ZSCAN5A: variants seen among roughly 807,000 people sequenced by gnomAD.
ZSCAN5A encodes the protein zinc finger and SCAN domain-containing protein 5A.
A neutral mutation model predicts 23.7 loss-of-function variants in ZSCAN5A; 12 were observed. The observed-to-expected ratio is 0.51, with a 90% CI of 0.32 to 0.82. The LOEUF (loss-of-function observed/expected upper bound fraction) is 0.82. Ranked by LOEUF, ZSCAN5A falls within the 40% of genes least tolerant of loss-of-function variation. The pLI, the probability that ZSCAN5A is intolerant of heterozygous loss-of-function variation, is 0.03. For synonymous variants in ZSCAN5A, 257 were observed against 239.9 expected, an observed-to-expected ratio of 1.07 and a Z score of -0.66; for missense variants, 597 against 617.9, an observed-to-expected ratio of 0.97 and a Z score of 0.36.
At chr19:56,225,635 C>G (rs1485781185) in intron 2 of ZSCAN5A, among the ~76,000 whole-genome samples, 3 of 152,190 alleles carry the variant, frequency 2.0e-5, no homozygotes, top group African/African-American at 4.8e-5. Context: ...AGGGAAGGGA[C>G]AGCATTAAAG....
At chr19:56,343,179 TA>T in intron 2 of ZSCAN5A, 1 of 728,888 alleles carries the variant, frequency 1.4e-6, no homozygotes, top group Non-Finnish European at 2.4e-6. Flanking sequence ...TTATTGAAAC[TA>T]ACTTCAGGTT....
At position 56,222,623 on chromosome 19, in the gene ZSCAN5A, G is replaced by T; in HGVS notation, c.707C>A (p.Thr236Lys). 1.2e-6 allele frequency: 2 copies of T among 1,614,194 alleles called. No individual in the cohort carries two copies. Among genetic ancestry groups the T allele is most frequent in the Non-Finnish European group, 1.7e-6 (2 of 1,180,042 alleles). The change falls in exon 5 of 6, where the codon ACA becomes AAA. Residue 236 changes from threonine (T) to lysine (K), a missense_variant. Transcript: ENST00000683990. ...CTTTGGAAGCTGAGGCTCTGGGGAT[G>T]TCAGTCCTGGGTTCTCTTCCCTGTT... is the stretch of plus-strand genomic sequence containing the variant. ...KENREENPGL[T>K]SPEPQLPKSP...
intron 2 of ZSCAN5A, among the ~76,000 whole-genome samples, chr19:56,295,368 C>T (rs1002385141): frequency 6.6e-6 from 1 of 151,914 alleles, no homozygotes; most frequent in African/African-American, 2.4e-5. Flanking sequence ...CTGATGCGGG[C>T]GGATCACCTC....
intron 2 of ZSCAN5A, chr19:56,228,339 A>G (rs2034157870): frequency 1.0e-6 from 1 of 985,310 alleles, no homozygotes; most frequent in Non-Finnish European, 1.2e-6. Flanking sequence ...TTTATGGAGA[A>G]GCGGGACTCC....
chr19:56,236,365 C>T (rs1174308217), intron 2 of ZSCAN5A, among the ~76,000 whole-genome samples: 28 of 83,548 alleles, frequency 3.4e-4, no homozygotes, highest in African/African-American at 1.3e-3. Context: ...GGACGGTGGG[C>T]CAAGCCTCCA....
intron 2 of ZSCAN5A, among the ~76,000 whole-genome samples, chr19:56,254,507 G>T (rs967001000): frequency 5.3e-5 from 8 of 152,164 alleles, no homozygotes; most frequent in African/African-American, 1.9e-4. Flanking sequence ...TATTCCTTCA[G>T]TGAACGCTTG....
At chr19:56,339,843 G>GAA in intron 2 of ZSCAN5A, among the ~76,000 whole-genome samples, 3 of 152,230 alleles carry the variant, frequency 2.0e-5, no homozygotes, top group African/African-American at 7.2e-5. Flanking sequence ...TGAAGGAGCG[G>GAA]TTGTAGCCGT....
At chr19:56,238,121 C>T (rs374406351) in intron 2 of ZSCAN5A, among the ~76,000 whole-genome samples, 8 of 151,420 alleles carry the variant, frequency 5.3e-5, no homozygotes, top group South Asian at 2.1e-4. Context: ...AACACACACC[C>T]ACACACAGAC....
intron 2 of ZSCAN5A, among the ~76,000 whole-genome samples, chr19:56,259,944 A>G (rs1429592682): frequency 2.0e-5 from 3 of 152,274 alleles, no homozygotes; most frequent in Admixed American, 6.5e-5. Flanking sequence ...CTTGCACGCC[A>G]GCCTGGGTGA....
chr19:56,231,814 G>C (rs1195986761), intron 2 of ZSCAN5A, among the ~76,000 whole-genome samples: 1 of 152,048 alleles, frequency 6.6e-6, no homozygotes, highest in African/African-American at 2.4e-5. Flanking sequence ...TCTGACATTT[G>C]TACATACTCA....
intron 2 of ZSCAN5A, chr19:56,245,078 G>A (rs1432112120): frequency 6.6e-6 from 2 of 302,842 alleles, no homozygotes; most frequent in Non-Finnish European, 6.1e-6. Context: ...CAGACAGATT[G>A]CTGTGTCCAC....
intron 2 of ZSCAN5A, among the ~76,000 whole-genome samples, chr19:56,234,710 C>T (rs1440086975): frequency 9.1e-6 from 1 of 109,730 alleles, no homozygotes; most frequent in Admixed American, 8.7e-5. Flanking sequence ...GTGCATGCAG[C>T]CCCTGTCACG....
chr19:56,234,980 C>G (rs1049292609), intron 2 of ZSCAN5A, among the ~76,000 whole-genome samples: 3 of 152,244 alleles, frequency 2.0e-5, no homozygotes, highest in Admixed American at 6.5e-5. Flanking sequence ...GCAGCCAGTT[C>G]TAGGCAAGAT....
chr19:56,243,949 A>G (rs569368348), intron 2 of ZSCAN5A: 1 of 584,700 alleles, frequency 1.7e-6, no homozygotes, highest in African/African-American at 1.9e-5. Context: ...ATTATTGAGG[A>G]AAACCAAAGG....
chr19:56,257,848 A>G (rs1480564682), intron 2 of ZSCAN5A, among the ~76,000 whole-genome samples: 72 of 62,358 alleles, frequency 1.2e-3, no homozygotes, highest in East Asian at 2.3e-3. Context: ...AGGCGCCGGG[A>G]GACTCTGCAA....
intron 2 of ZSCAN5A, among the ~76,000 whole-genome samples, chr19:56,348,757 C>T (rs936122203): frequency 1.3e-5 from 2 of 151,808 alleles, no homozygotes; most frequent in Admixed American, 6.6e-5. Context: ...TTTTCTTCCA[C>T]AAAAAAATAG....
chr19:56,317,962 T>C (rs1427300595), upstream of ZSCAN5A: 1 of 152,240 alleles, frequency 6.6e-6, no homozygotes, highest in Non-Finnish European at 1.5e-5. Context: ...TTTTCTTGTT[T>C]GGATAATGAT....
intron 2 of ZSCAN5A, among the ~76,000 whole-genome samples, chr19:56,292,478 T>C (rs534004651): frequency 1.7e-4 from 26 of 151,970 alleles, no homozygotes; most frequent in African/African-American, 6.0e-4. Context: ...TTTTACTTTT[T>C]TGTTTTGCTT....
At chr19:56,246,397 G>T (rs2035897633) in intron 2 of ZSCAN5A, 1 of 565,724 alleles carries the variant, frequency 1.8e-6, no homozygotes, top group Admixed American at 2.6e-5. Context: ...CTTGGAGAAG[G>T]ATCTGAACGT....
Sources: allele counts gnomAD v4.1 joint callset (sites outside exome capture counted in the v4.1 genomes callset), GRCh38; gene constraint gnomAD v4.1.1; transcripts MANE v1.5; gene names NCBI Gene and HGNC (gene_info 2026-07-23, HGNC 2026-07-21).